The following ZNF257 variants were observed in gnomAD, a reference collection of about 807,000 sequenced individuals.
ZNF257 encodes the protein zinc finger protein 257.
ZNF257 carries 12 observed loss-of-function variants against 11.9 expected under a neutral mutation model. The ratio of observed to expected loss-of-function variants is 1.01; its 90% confidence interval spans 0.65 to 1.63. The LOEUF (loss-of-function observed/expected upper bound fraction) is 1.63, where lower values mean the gene tolerates loss of function less well. Ranked by LOEUF, ZNF257 falls within the 40% of genes most tolerant of loss-of-function variation. ZNF257 has a pLI of 0.00. For synonymous variants in ZNF257, 183 were observed against 222.7 expected, an observed-to-expected ratio of 0.82 and a Z score of 1.59; for missense variants, 580 against 665.5, an observed-to-expected ratio of 0.87 and a Z score of 1.41.
chr19:22,064,070 C>G (rs1303866182), intron 1 of ZNF257: 1 of 152,116 alleles, frequency 6.6e-6, no homozygotes, highest in Non-Finnish European at 1.5e-5. Flanking sequence ...CTGCTTTTTT[C>G]CCCATAAGCA....
intron 1 of ZNF257, among the ~76,000 whole-genome samples, chr19:22,053,929 AAAAAC>A (rs1015247817): frequency 1.3e-5 from 2 of 152,104 alleles, no homozygotes; most frequent in Non-Finnish European, 2.9e-5. Flanking sequence ...CCATCTCAAA[AAAAAC>A]AAAACAAAAC....
chr19:22,073,418 G>A, intron 2 of ZNF257, 51 bp from the exon 3 acceptor site: 11 of 1,552,630 alleles, frequency 7.1e-6, no homozygotes, highest in Non-Finnish European at 8.7e-6. Flanking sequence ...TTACTAAGTT[G>A]GTAATTGGAG....
intron 3 of ZNF257, among the ~76,000 whole-genome samples, chr19:22,079,903 C>G (rs2022321842): frequency 6.6e-6 from 1 of 152,006 alleles, no homozygotes; most frequent in Admixed American, 6.6e-5. Context: ...TTTGGACTTG[C>G]CAGTTTTGCT....
Position 22,089,023 on chromosome 19 carries a change from C to T in ZNF257, c.1273C>T (p.His425Tyr). ...LTTLTQHKII[H>Y]TGEKPYKCEE... ...TACCCTTACTCAGCATAAGATAATT[C>T]ATACTGGAGAGAAACCCTACAAATG... The change falls in exon 4 of 4, where the codon CAT (histidine) becomes TAT (tyrosine). Residue 425 changes from histidine to tyrosine, a missense_variant. Physicochemically the swap from His to Tyr is moderately conservative, Grantham distance 83. Transcript: ENST00000594947. The T allele has an allele frequency of 6.2e-7, 1 of 1,613,652 alleles. No homozygotes were observed.
At chr19:22,053,023 CTT>C (rs781479292) in intron 1 of ZNF257, among the ~76,000 whole-genome samples, 3 of 152,096 alleles carry the variant, frequency 2.0e-5, no homozygotes, top group Non-Finnish European at 4.4e-5. Flanking sequence ...TCTCTTTTCT[CTT>C]ATTAAAAATA....
chr19:22,066,690 TG>T (rs2021957509), intron 1 of ZNF257, among the ~76,000 whole-genome samples: 1 of 152,232 alleles, frequency 6.6e-6, no homozygotes, highest in Admixed American at 6.5e-5. Context: ...AACTGCCTTT[TG>T]TCATGAAGAT....
Position 22,089,385 on chromosome 19 carries a change from T to C in ZNF257, c.1635T>C (p.Tyr545=), listed in dbSNP as rs771360749. 5.0e-6 allele frequency: 8 copies of C among 1,612,818 alleles called. No homozygotes were observed. The highest frequency in any genetic ancestry group is 1.7e-6 in the Non-Finnish European group (2 of 1,179,406). ...ATGCTGGAGAGAACCCCAACAAATA[T>C]GAAGAATGTGGCAAAGCTTGTAACC... ...RIHAGENPNK[Y]EECGKACNHS... is the part of the protein sequence containing the mutation. The change falls in exon 4 of 4, where the codon TAT becomes TAC. Residue 545 remains tyrosine (Y), a synonymous_variant. Coordinates refer to ENST00000594947, the MANE Select transcript of ZNF257 (RefSeq NM_033468.4).
intron 3 of ZNF257, among the ~76,000 whole-genome samples, chr19:22,083,526 G>C (rs1276479863): frequency 1.3e-5 from 2 of 151,976 alleles, no homozygotes; most frequent in Admixed American, 1.3e-4. Context: ...ATTTTTACTT[G>C]TCAAAAACAC....
chr19:22,088,562 AC>A lies in ZNF257; in HGVS notation c.813del (p.His271GlnfsTer66). 1 of 1,613,170 alleles carries A rather than the reference AC, an allele frequency of 6.2e-7. No homozygotes were observed. Among genetic ancestry groups the A allele is most frequent in the Non-Finnish European group, 8.5e-7 (1 of 1,179,730 alleles). On this transcript the variant is annotated frameshift_variant, in exon 4 of 4. Coordinates refer to ENST00000594947, the MANE Select transcript of ZNF257 (RefSeq NM_033468.4). LOFTEE classifies it low-confidence loss of function (END_TRUNC). ...ECGKAFNRSSHITQHKRIHNR... is the reference protein window; with the variant it reads ...ECGKAFNRSSXITQHKRIHNR... The stretch of plus-strand genomic sequence containing the variant: ...GGCAAAGCCTTTAACCGGTCTTCAC[AC>A]ATTACTCAACATAAGAGAATTCATA...
At chr19:22,083,030 A>G (rs1421188329) in intron 3 of ZNF257, among the ~76,000 whole-genome samples, 1 of 152,092 alleles carries the variant, frequency 6.6e-6, no homozygotes, top group African/African-American at 2.4e-5. Context: ...TTGTTGTGAA[A>G]GGTTGTTTAA....
chr19:22,067,416 C>A (rs1000682873), intron 1 of ZNF257, among the ~76,000 whole-genome samples: 1 of 152,120 alleles, frequency 6.6e-6, no homozygotes, highest in Non-Finnish European at 1.5e-5. Context: ...GCTGCTACTC[C>A]ACCCATCCAG....
intron 1 of ZNF257, among the ~76,000 whole-genome samples, chr19:22,067,810 G>T (rs1281809088): frequency 6.6e-6 from 1 of 151,730 alleles, no homozygotes; most frequent in South Asian, 2.1e-4. Flanking sequence ...CTCCAGCCTG[G>T]GTGACAGAGC....
chr19:22,058,762 A>C (rs2021711925), intron 1 of ZNF257, among the ~76,000 whole-genome samples: 1 of 152,174 alleles, frequency 6.6e-6, no homozygotes. Flanking sequence ...CTCGGATAGC[A>C]GATTCCCTTT....
Position 22,083,210 on chromosome 19 carries a change from C to G in ZNF257, c.227-4767C>G, listed in dbSNP as rs867215319. ...ACCGACAGGGTGTGGTGGCTCACAC[C>G]TGTAATCCCAGCAGTTTGGGAGGGC... On this transcript the variant is annotated intron_variant, in intron 3 of 3. Transcript: ENST00000594947. Among the ~76,000 whole-genome samples the G allele has an allele frequency of 1.8e-4, 28 of 152,206 alleles. 1 individual carries two copies. Among genetic ancestry groups the G allele is most frequent in the South Asian group, 1.7e-3 (8 of 4,828 alleles).
intron 1 of ZNF257, among the ~76,000 whole-genome samples, chr19:22,068,156 CTT>C (rs758701719): frequency 9.7e-4 from 118 of 121,196 alleles, no homozygotes; most frequent in Middle Eastern, 4.3e-3. Context: ...CTCTGTCCCT[CTT>C]TTTTTTTTTT....
chr19:22,089,157 C>T lies in ZNF257; in HGVS notation c.1407C>T (p.Asn469=), dbSNP rs965754114. The T allele has an allele frequency of 6.2e-7, 1 of 1,613,434 alleles. No homozygotes were observed. Among genetic ancestry groups the T allele is most frequent in the South Asian group, 1.1e-5 (1 of 91,058 alleles). ...GTGAAGAGTGTGGCAAAGCCTTTAACCAGTCTTCACACCTTACTCAACATA... is the reference window on the plus strand; with the variant it reads ...GTGAAGAGTGTGGCAAAGCCTTTAATCAGTCTTCACACCTTACTCAACATA... ...YKCEECGKAF[N]QSSHLTQHKI... The change falls in exon 4 of 4, where the codon AAC becomes AAT. Residue 469 remains asparagine, a synonymous_variant. Transcript: ENST00000594947.
intron 3 of ZNF257, among the ~76,000 whole-genome samples, chr19:22,083,596 A>G (rs889381103): frequency 2.0e-5 from 3 of 152,210 alleles, no homozygotes; most frequent in Non-Finnish European, 4.4e-5. Context: ...TTATATTGAC[A>G]TTGTTATGCA....
At chr19:22,073,777 C>T (rs2022164819) in intron 3 of ZNF257, among the ~76,000 whole-genome samples, 1 of 151,952 alleles carries the variant, frequency 6.6e-6, no homozygotes, top group African/African-American at 2.4e-5. Flanking sequence ...ACTTTCCTTT[C>T]AGTCATTTTC....
At chr19:22,065,460 A>C (rs2021920244) in intron 1 of ZNF257, among the ~76,000 whole-genome samples, 1 of 152,182 alleles carries the variant, frequency 6.6e-6, no homozygotes, top group Non-Finnish European at 1.5e-5. Context: ...TCGGCCTTCC[A>C]AAGTGCTGGG....
Sources: gnomAD v4.1 joint callset for allele counts (sites outside exome capture counted in the v4.1 genomes callset) on GRCh38, gnomAD v4.1.1 for gene constraint, MANE v1.5 for transcripts, NCBI Gene and HGNC (gene_info 2026-07-23, HGNC 2026-07-21) for gene names.